Variants in SPATA19 observed in about 807,000 individuals in gnomAD.
The protein encoded by SPATA19 is spermatogenesis associated 19.
In SPATA19, 19 loss-of-function variants were observed where a neutral mutation model predicts 25.0. The ratio of observed to expected loss-of-function variants is 0.76; its 90% CI spans 0.53 to 1.11. SPATA19 has a LOEUF of 1.11. Among genes scored for constraint, SPATA19 ranks in the 50% most tolerant of loss-of-function variants. The pLI, the probability that SPATA19 is intolerant of heterozygous loss-of-function variation, is 0.00. For missense variants in SPATA19, 222 were observed against 211.4 expected (o/e 1.05, Z -0.31); for synonymous variants, 64 against 69.3 (o/e 0.92, Z 0.38).
chr11:133,838,032 G>A (rs1014487366), downstream of SPATA19, among the ~76,000 whole-genome samples: 3 of 152,104 alleles, frequency 2.0e-5, no homozygotes, highest in African/African-American at 7.2e-5. Context: ...CACACTAATG[G>A]CCTATTTACC....
intron 5 of SPATA19, 97 bp from the exon 6 acceptor site, chr11:133,842,202 C>T: frequency 3.9e-6 from 5 of 1,278,354 alleles, no homozygotes; most frequent in East Asian, 2.3e-5. Context: ...GGAGGGCAGG[C>T]CGTGCCTAGG....
chr11:133,843,771 C>A (rs375727052), intron 4 of SPATA19, among the ~76,000 whole-genome samples: 5 of 152,292 alleles, frequency 3.3e-5, no homozygotes, highest in African/African-American at 1.2e-4. Flanking sequence ...TCTGCAGAGC[C>A]ACGAGAGGCA....
chr11:133,841,916 TC>T, intron 6 of SPATA19, 113 bp downstream of exon 6: 1 of 1,027,942 alleles, frequency 9.7e-7, no homozygotes, highest in Non-Finnish European at 1.5e-6. Flanking sequence ...TGCAGGCCCT[TC>T]CCCAGTAGGG....
Position 133,842,578 on chromosome 11 carries a change from C to T in SPATA19, c.360-16G>A, listed in dbSNP as rs2257004. On this transcript the variant is annotated splice_polypyrimidine_tract_variant and intron_variant, in intron 4 of 6. Coordinates refer to ENST00000299140, the MANE Select transcript of SPATA19 (RefSeq NM_174927.3). ...ACGAGTGTGGCTGCAAAAGGCCATT[C>T]GTACATTGGCATATGGGATCTGAGT... The T allele has an allele frequency of 0.37, 590,351 of 1,600,686 alleles. 112,918 individuals are homozygous for T. The highest frequency in any genetic ancestry group is 0.59 in the East Asian group (26,613 of 44,790).
chr11:133,845,292 A>G, intron 1 of SPATA19, 77 bp downstream of exon 1: 1 of 1,466,882 alleles, frequency 6.8e-7, no homozygotes, highest in Non-Finnish European at 9.5e-7. Context: ...TAAGATCTCT[A>G]TGAAGTGCAG....
At chr11:133,845,346 G>A in intron 1 of SPATA19, 23 bp downstream of exon 1, 3 of 1,577,036 alleles carry the variant, frequency 1.9e-6, no homozygotes, top group East Asian at 4.5e-5. Context: ...ATTATTCCAT[G>A]TGACTACCAC....
chr11:133,844,512 A>C lies in SPATA19; in HGVS notation c.264T>G (p.Asp88Glu). ...AAGGTCTCAAACTCTCATTTACCAC[A>C]TCTCTGGTCACGTGGATGTCCTGGC... is the stretch of plus-strand genomic sequence containing the variant. Reference protein sequence around the residue: ...THGQDIHVTRDVVKHHLSKSD... With the variant: ...THGQDIHVTREVVKHHLSKSD... Residue 88 changes from aspartate to glutamate, a missense_variant, in exon 3 of 7, where the codon GAT becomes GAG. Transcript: ENST00000299140. 1.2e-6 allele frequency: 2 copies of C among 1,613,968 alleles called. No individual in the cohort carries two copies. Among genetic ancestry groups the C allele is most frequent in the Non-Finnish European group, 8.5e-7 (1 of 1,179,992 alleles).
chr11:133,844,360 G>T, intron 3 of SPATA19, 23 bp from the exon 4 acceptor site: 1 of 1,613,482 alleles, frequency 6.2e-7, no homozygotes, highest in South Asian at 1.1e-5. Context: ...GAGGGTCCAT[G>T]TGATTCCTGC....
downstream of SPATA19, among the ~76,000 whole-genome samples, chr11:133,837,632 C>A (rs546072736): frequency 7.2e-5 from 11 of 152,252 alleles, no homozygotes; most frequent in Admixed American, 7.2e-4. Flanking sequence ...AACTCCAGAC[C>A]CTCCCCTCTA....
chr11:133,841,977 T>C (rs902286644), intron 6 of SPATA19, 53 bp downstream of exon 6: 1 of 1,547,756 alleles, frequency 6.5e-7, no homozygotes. Flanking sequence ...CCCTTCCCAC[T>C]GCCCAGGATA....
chr11:133,845,330 T>C, intron 1 of SPATA19, 39 bp downstream of exon 1: 1 of 1,554,118 alleles, frequency 6.4e-7, no homozygotes, highest in Non-Finnish European at 8.9e-7. Flanking sequence ...AGAAGATATA[T>C]GAAAAATTAT....
chr11:133,845,051 G>A, intron 2 of SPATA19, 83 bp downstream of exon 2: 1 of 1,180,432 alleles, frequency 8.5e-7, no homozygotes, highest in Non-Finnish European at 1.2e-6. Flanking sequence ...GTTCCATGAA[G>A]AAGGAAGTCC....
In SPATA19 at chr11:133,844,333, T is replaced by C. The variant is rs192918078; in HGVS notation, c.272A>G (p.Lys91Arg). The change falls in exon 4 of 7, where the codon AAG (lysine) becomes AGG (arginine). Residue 91 changes from lysine (K) to arginine (R), a missense_variant. Coordinates refer to ENST00000299140, the MANE Select transcript of SPATA19 (RefSeq NM_174927.3). ...CAAATCAGACTTAGAGAGGTGGTGC[T>C]TCACCTGGGAAATCCAGAGGGTCCA... The part of the protein sequence containing the change: ...QDIHVTRDVV[K>R]HHLSKSDLLA... The C allele has an allele frequency of 7.4e-6, 12 of 1,614,148 alleles. No individual in the cohort carries two copies. The highest frequency in any genetic ancestry group is 1.0e-5 in the Non-Finnish European group (12 of 1,179,994).
chr11:133,841,557 G>A (rs1042211892), intron 6 of SPATA19, among the ~76,000 whole-genome samples: 4 of 152,092 alleles, frequency 2.6e-5, no homozygotes, highest in African/African-American at 9.7e-5. Flanking sequence ...GTGACCACCG[G>A]GCCAAGCACA....
At position 133,845,492 on chromosome 11, in the gene SPATA19, G is replaced by T; in HGVS notation, c.-46C>A. ...CCCTTCTTGGCTCCCTCCTTCCATT[G>T]AAGCTGCCTGAGAACTCCTATGGGA... On this transcript the variant is annotated 5_prime_UTR_variant, in exon 1 of 7. Transcript: ENST00000299140. 6.2e-7 allele frequency: 1 copy of T among 1,601,516 alleles called. No individual in the cohort carries two copies. Among genetic ancestry groups the T allele is most frequent in the Non-Finnish European group, 8.5e-7 (1 of 1,170,334 alleles).
chr11:133,836,953 TC>T (rs1160643730), downstream of SPATA19, among the ~76,000 whole-genome samples: 2 of 152,170 alleles, frequency 1.3e-5, no homozygotes, highest in African/African-American at 2.4e-5. Flanking sequence ...TTGTGTTATC[TC>T]CTCTCTAATA....
At chr11:133,838,237 C>T (rs1259282669), downstream of SPATA19, among the ~76,000 whole-genome samples, 7 of 152,082 alleles carry the variant, frequency 4.6e-5, no homozygotes, top group East Asian at 1.9e-4. Context: ...GTGGACAACA[C>T]GCAAGAACAG....
rs766736322 is a variant in SPATA19 at position 133,845,416 on chromosome 11, G to T, written c.31C>A (p.Leu11Ile). Residue 11 changes from leucine to isoleucine, a missense_variant, in exon 1 of 7, where the codon CTT becomes ATT. By Grantham distance (5) the Leu-to-Ile change is conservative (BLOSUM62 2). Transcript: ENST00000299140. ...GGAAGCCCTACACCTTTCCGAGCAAGAATATACACAATCCATGTCGTAATT... is the reference window on the plus strand; with the variant it reads ...GGAAGCCCTACACCTTTCCGAGCAATAATATACACAATCCATGTCGTAATT... MIITTWIVYI[L>I]ARKGVGLPFL... 1.9e-6 allele frequency: 3 copies of T among 1,614,134 alleles called. No homozygotes were observed. In the South Asian group the frequency reaches 3.3e-5, roughly 18 times the overall value.
chr11:133,843,862 G>A lies in SPATA19; in HGVS notation c.359+384C>T, dbSNP rs548729595. Among the ~76,000 whole-genome samples, 77 of 152,310 alleles carry A rather than the reference G, an allele frequency of 5.1e-4. 1 individual carries two copies. The highest frequency in any genetic ancestry group is 1.6e-3 in the Admixed American group (24 of 15,300). On this transcript the variant is annotated intron_variant, in intron 4 of 6. Transcript: ENST00000299140. Reference sequence around the variant, plus strand: ...CGAGTGCAGAATTCTAGCCTCGGGCGCTGGGAAGCCTCCCCACACCTCAGT... The same window carrying A: ...CGAGTGCAGAATTCTAGCCTCGGGCACTGGGAAGCCTCCCCACACCTCAGT...
Sources: allele counts gnomAD v4.1 joint callset (sites outside exome capture counted in the v4.1 genomes callset), GRCh38; gene constraint gnomAD v4.1.1; transcripts MANE v1.5; gene names NCBI Gene and HGNC (gene_info 2026-07-23, HGNC 2026-07-21).